Variants in EPB41L5 observed in about 807,000 individuals in gnomAD.
EPB41L5 encodes the protein band 4.1-like protein 5.
EPB41L5 carries 55 observed loss-of-function variants against 106.6 expected under a neutral mutation model. That is an observed-to-expected ratio of 0.52 (90% CI 0.42 to 0.65). The LOEUF is 0.65. Among genes scored for constraint, EPB41L5 ranks in the 30% least tolerant of loss-of-function variants. EPB41L5 has a pLI of 0.00. For synonymous variants in EPB41L5, 297 were observed against 306.7 expected (o/e 0.97, Z 0.33); for missense variants, 871 against 882.1 (o/e 0.99, Z 0.16).
chr2:120,120,605 C>G (rs1052408168), intron 16 of EPB41L5, among the ~76,000 whole-genome samples: 5 of 151,342 alleles, frequency 3.3e-5, no homozygotes, highest in Non-Finnish European at 2.9e-5. Flanking sequence ...TTAAAAAAAA[C>G]CTCTCATTAA....
At chr2:120,104,522 C>T (rs895440196) in intron 16 of EPB41L5, 7 of 1,058,232 alleles carry the variant, frequency 6.6e-6, no homozygotes, top group East Asian at 7.1e-5. Flanking sequence ...TCACACATCA[C>T]CAGACTGTAT....
intron 21 of EPB41L5, among the ~76,000 whole-genome samples, chr2:120,163,265 C>A (rs1409990206): frequency 7.3e-6 from 1 of 137,662 alleles, no homozygotes; most frequent in Non-Finnish European, 1.6e-5. Context: ...TCTGCCCCCC[C>A]CCCCCCCAAA....
At chr2:120,062,336 A>G (rs1349221283) in intron 3 of EPB41L5, among the ~76,000 whole-genome samples, 1 of 152,204 alleles carries the variant, frequency 6.6e-6, no homozygotes, top group Admixed American at 6.5e-5. Flanking sequence ...TGAAGGAGTA[A>G]GTCTAGAAAA....
intron 20 of EPB41L5, among the ~76,000 whole-genome samples, chr2:120,156,687 C>T (rs773037566): frequency 6.6e-6 from 1 of 152,184 alleles, no homozygotes; most frequent in Admixed American, 6.5e-5. Flanking sequence ...AGAGAAAGCA[C>T]ACAGACCTGT....
rs938423898 is a variant in EPB41L5 at position 120,179,033 on chromosome 2, A to G, written c.*4126A>G. The G allele has an allele frequency of 6.6e-6, 1 of 152,228 alleles. No individual in the cohort carries two copies. Among genetic ancestry groups the G allele is most frequent in the Non-Finnish European group, 1.5e-5 (1 of 68,036 alleles). The allele number at this position is 152,228 out of a possible 1,614,324, so 9.4% of individuals were successfully genotyped here. On this transcript the variant is annotated 3_prime_UTR_variant, in exon 25 of 25. Coordinates refer to ENST00000263713, the MANE Select transcript of EPB41L5 (RefSeq NM_020909.4). ...TGTGTTCCAGTTTTATATGACTTGT[A>G]TTAGAAACACTGCACTGAGTTGTTT...
chr2:120,034,975 A>G (rs1388855549), intron 2 of EPB41L5, among the ~76,000 whole-genome samples: 1 of 151,998 alleles, frequency 6.6e-6, no homozygotes, highest in African/African-American at 2.4e-5. Context: ...CTCCTTTTCC[A>G]TTGTGTTGCT....
intron 3 of EPB41L5, among the ~76,000 whole-genome samples, chr2:120,070,292 A>G (rs1681769257): frequency 1.3e-5 from 2 of 152,206 alleles, no homozygotes; most frequent in African/African-American, 4.8e-5. Context: ...AAGAAGTCAA[A>G]TCCTTGAATA....
At chr2:120,071,269 A>C (rs1316101404) in intron 3 of EPB41L5, among the ~76,000 whole-genome samples, 4 of 152,228 alleles carry the variant, frequency 2.6e-5, no homozygotes, top group Admixed American at 2.0e-4. Context: ...AATACAACTC[A>C]CAAGGGATGT....
rs913523495 is a variant in EPB41L5, at chr2:120,160,907, C to T, written c.1820C>T (p.Pro607Leu). ...GCTGTGTTAAATGAGAATAATGTGC[C>T]CCTCCCCAAAGAGTCTCTTGAGACT... is the stretch of plus-strand genomic sequence containing the variant. ...NSAVLNENNV[P>L]LPKESLETLM... Residue 607 changes from proline (P) to leucine (L), a missense_variant, in exon 21 of 25, where the codon CCC becomes CTC. Pro to Leu is a moderately conservative substitution (Grantham distance 98, BLOSUM62 -3). Coordinates refer to ENST00000263713, the MANE Select transcript of EPB41L5 (RefSeq NM_020909.4). 1 of 1,613,440 alleles carries T rather than the reference C, an allele frequency of 6.2e-7. No individual in the cohort carries two copies. Among genetic ancestry groups the T allele is most frequent in the Non-Finnish European group, 8.5e-7 (1 of 1,179,416 alleles).
At chr2:120,067,904 A>C (rs1055469824) in intron 3 of EPB41L5, among the ~76,000 whole-genome samples, 9 of 152,186 alleles carry the variant, frequency 5.9e-5, no homozygotes, top group Non-Finnish European at 1.2e-4. Context: ...GGGAAAAGTG[A>C]GGGAAATAAG....
intron 16 of EPB41L5, chr2:120,104,089 G>A (rs531069910): frequency 1.2e-5 from 18 of 1,534,628 alleles, no homozygotes; most frequent in African/African-American, 9.6e-5. Context: ...TGCTGTCAAC[G>A]TGGTGGAAAC....
At chr2:120,113,128 G>T (rs1684794068) in intron 16 of EPB41L5, among the ~76,000 whole-genome samples, 1 of 152,190 alleles carries the variant, frequency 6.6e-6, no homozygotes, top group South Asian at 2.1e-4. Flanking sequence ...AAAGAATCAG[G>T]TCAGTTTTCA....
intron 21 of EPB41L5, among the ~76,000 whole-genome samples, chr2:120,163,568 C>G (rs578077778): frequency 2.4e-4 from 35 of 148,820 alleles, no homozygotes; most frequent in South Asian, 1.3e-3. Context: ...TATCCAGTAT[C>G]TCCTGTGCTG....
At chr2:120,133,114 G>C (rs1685776847) in intron 18 of EPB41L5, among the ~76,000 whole-genome samples, 1 of 151,966 alleles carries the variant, frequency 6.6e-6, no homozygotes, top group African/African-American at 2.4e-5. Context: ...AACTTTTAGG[G>C]GATCATATAG....
At chr2:120,023,814 G>A (rs1409368573) in intron 2 of EPB41L5, among the ~76,000 whole-genome samples, 2 of 152,202 alleles carry the variant, frequency 1.3e-5, no homozygotes, top group African/African-American at 4.8e-5. Context: ...CTACCCATGA[G>A]CATGGAATGT....
At chr2:120,064,611 T>C (rs745419928) in intron 3 of EPB41L5, among the ~76,000 whole-genome samples, 2 of 152,234 alleles carry the variant, frequency 1.3e-5, no homozygotes, top group Admixed American at 6.5e-5. Context: ...GATAGGATGC[T>C]AAGAAATGTG....
At chr2:120,104,028 C>T in intron 16 of EPB41L5, 1 of 1,498,040 alleles carries the variant, frequency 6.7e-7, no homozygotes. Flanking sequence ...TATTGACTAA[C>T]TGTGCTCCCC....
At chr2:120,052,575 T>C (rs1465159639) in intron 3 of EPB41L5, among the ~76,000 whole-genome samples, 1 of 152,258 alleles carries the variant, frequency 6.6e-6, no homozygotes, top group Admixed American at 6.5e-5. Flanking sequence ...GGGTTATATC[T>C]GTTACTATCA....
At position 120,087,214 on chromosome 2, in the gene EPB41L5, T is replaced by C. The variant is rs1288783201; in HGVS notation, c.847T>C (p.Leu283=). ...RLDFKKNKLT[L]VVVEDDDQGK... ...GGATTTTAAGAAGAATAAATTAACC[T>C]TGGTGGTTGTAGAAGATGATGATCA... is the stretch of plus-strand genomic sequence containing the variant. Residue 283 remains leucine, a synonymous_variant, in exon 11 of 25, where the codon TTG becomes CTG. Coordinates refer to ENST00000263713, the MANE Select transcript of EPB41L5 (RefSeq NM_020909.4). 2.5e-6 allele frequency: 4 copies of C among 1,584,998 alleles called. No homozygotes were observed. In the East Asian group the frequency reaches 9.0e-5, roughly 36 times the overall value.
Sources: gnomAD v4.1 joint callset for allele counts (sites outside exome capture counted in the v4.1 genomes callset) on GRCh38, gnomAD v4.1.1 for gene constraint, MANE v1.5 for transcripts, NCBI Gene and HGNC (gene_info 2026-07-23, HGNC 2026-07-21) for gene names.